PRDM14: variants seen among roughly 807,000 people sequenced by gnomAD.
PRDM14 encodes the protein PR domain zinc finger protein 14.
In PRDM14, 16 loss-of-function variants were observed where a neutral mutation model predicts 48.0. The ratio of observed to expected loss-of-function variants is 0.33; its 90% CI spans 0.23 to 0.51. The LOEUF is 0.51. PRDM14 is among the 20% of genes least tolerant of loss of function. The pLI is 0.97. For missense variants in PRDM14, 566 were observed against 719.6 expected, an observed-to-expected ratio of 0.79 and a Z score of 2.44; for synonymous variants, 264 against 276.6, an observed-to-expected ratio of 0.95 and a Z score of 0.45.
At chr8:70,070,964 G>A (rs1399195825) in intron 1 of PRDM14, among the ~76,000 whole-genome samples, 186 bp downstream of exon 1, 2 of 152,128 alleles carry the variant, frequency 1.3e-5, no homozygotes, top group Non-Finnish European at 2.9e-5. Context: ...GTCTCCTCCC[G>A]ATCCTCCAAA....
At chr8:70,058,905 A>ATATT (rs530833863) in intron 5 of PRDM14, 63 bp from the exon 6 acceptor site, 58 of 1,271,440 alleles carry the variant, frequency 4.6e-5, no homozygotes, top group South Asian at 1.4e-4. Context: ...CTTCAAGAGG[A>ATATT]TATTTATTTA....
chr8:70,070,526 C>G (rs932758766), intron 1 of PRDM14, among the ~76,000 whole-genome samples: 2 of 152,222 alleles, frequency 1.3e-5, no homozygotes, highest in African/African-American at 4.8e-5. Context: ...CCCGCGGGTC[C>G]TGGCGGTCCT....
At chr8:70,054,186 C>T (rs933555141) in intron 7 of PRDM14, among the ~76,000 whole-genome samples, 1 of 152,216 alleles carries the variant, frequency 6.6e-6, no homozygotes, top group Admixed American at 6.5e-5. Context: ...GTTTTTACAA[C>T]TCTGTATTCT....
At chr8:70,053,098 T>TA (rs71275048) in intron 7 of PRDM14, among the ~76,000 whole-genome samples, 1,068 of 82,108 alleles carry the variant, frequency 0.013, 31 homozygotes, top group African/African-American at 0.045. Flanking sequence ...ACCCTCTCTT[T>TA]AAAAAAAAAA....
At chr8:70,058,971 T>C (rs1172074598) in intron 5 of PRDM14, 129 bp from the exon 6 acceptor site, 2 of 777,832 alleles carry the variant, frequency 2.6e-6, no homozygotes, top group Admixed American at 2.9e-5. Flanking sequence ...TTTTCTTTTT[T>C]TGAGACAGAA....
In PRDM14 at chr8:70,069,427, C is replaced by T. The variant is rs777862446; in HGVS notation, c.434G>A (p.Gly145Glu). The change falls in exon 2 of 8, where the codon GGA becomes GAA. Residue 145 changes from glycine to glutamate, a missense_variant. By Grantham distance (98) the Gly-to-Glu change is moderately conservative (BLOSUM62 -2). This residue lies in a region of PRDM14 where 410 missense variants were observed against 424.6 expected (regional missense o/e 0.97). Coordinates refer to ENST00000276594, the MANE Select transcript of PRDM14 (RefSeq NM_024504.4). ...GGGCGGTGGAATTAAAGTGTCAGGT[C>T]CACAACACGGGCCACTCTCGTTGTC... ...GGDNESGPCC[G>E]PDTLIPPPPA... The T allele has an allele frequency of 6.3e-7, 1 of 1,596,482 alleles. No individual in the cohort carries two copies. The highest frequency in any genetic ancestry group is 1.3e-5 in the African/African-American group (1 of 74,598).
At chr8:70,057,067 G>A (rs1232378878) in intron 6 of PRDM14, among the ~76,000 whole-genome samples, 2 of 150,936 alleles carry the variant, frequency 1.3e-5, no homozygotes, top group Non-Finnish European at 2.9e-5. Flanking sequence ...CCAGGTTCAC[G>A]CCATTCTCCT....
chr8:70,068,620 G>A (rs1020858684), intron 2 of PRDM14, 88 bp from the exon 3 acceptor site: 18 of 1,052,976 alleles, frequency 1.7e-5, no homozygotes, highest in Middle Eastern at 2.7e-4. Flanking sequence ...ATTCCCTAAA[G>A]GTAACCATCA....
chr8:70,068,817 G>A (rs542559104), intron 2 of PRDM14, among the ~76,000 whole-genome samples: 49 of 152,332 alleles, frequency 3.2e-4, no homozygotes, highest in African/African-American at 1.2e-3. Context: ...CAGAGGTAAT[G>A]CCTGACTAAG....
chr8:70,061,393 C>T (rs1013461075), intron 5 of PRDM14, among the ~76,000 whole-genome samples: 4 of 152,140 alleles, frequency 2.6e-5, no homozygotes, highest in Non-Finnish European at 5.9e-5. Flanking sequence ...CCATCAGGGG[C>T]TTTGTTAGTT....
chr8:70,064,523 CTTTTTTT>C (rs1170368852), intron 5 of PRDM14, among the ~76,000 whole-genome samples: 18 of 136,156 alleles, frequency 1.3e-4, no homozygotes, highest in South Asian at 2.3e-4. Flanking sequence ...ATGCAATTTA[CTTTTTTT>C]TTTTTTTTTT....
At chr8:70,062,760 C>T (rs1805607883) in intron 5 of PRDM14, among the ~76,000 whole-genome samples, 1 of 152,190 alleles carries the variant, frequency 6.6e-6, no homozygotes, top group Non-Finnish European at 1.5e-5. Flanking sequence ...GCCACCGTGC[C>T]TGGCCCACCT....
In PRDM14 at chr8:70,069,558, C is replaced by G. The variant is rs1239946993; in HGVS notation, c.303G>C (p.Trp101Cys). The G allele has an allele frequency of 6.2e-7, 1 of 1,608,416 alleles. No individual in the cohort carries two copies. The highest frequency in any genetic ancestry group is 1.3e-5 in the African/African-American group (1 of 74,944). The change falls in exon 2 of 8, where the codon TGG becomes TGC. Residue 101 changes from tryptophan to cysteine, a missense_variant. Coordinates refer to ENST00000276594, the MANE Select transcript of PRDM14 (RefSeq NM_024504.4). The stretch of plus-strand genomic sequence containing the variant: ...CCCTGGGGACGTGGGGAATTGGGTA[C>G]CACGGTGGCAGCTTGCTGTACCAGG... ...DLPWYSKLPP[W>C]YPIPHVPREV...
At chr8:70,058,035 A>G (rs918827939) in intron 6 of PRDM14, among the ~76,000 whole-genome samples, 1 of 152,174 alleles carries the variant, frequency 6.6e-6, no homozygotes, top group Non-Finnish European at 1.5e-5. Context: ...AATTAAGCCC[A>G]AGGGAATATT....
chr8:70,054,950 T>C (rs966515297), intron 7 of PRDM14, among the ~76,000 whole-genome samples: 2 of 151,954 alleles, frequency 1.3e-5, no homozygotes, highest in Non-Finnish European at 2.9e-5. Context: ...GCCTCCCAAG[T>C]AGCTGGGACT....
At chr8:70,066,617 ACTT>A in intron 4 of PRDM14, 112 bp from the exon 5 acceptor site, 1 of 771,454 alleles carries the variant, frequency 1.3e-6, no homozygotes, top group Non-Finnish European at 2.1e-6. Flanking sequence ...CACCAAATAC[ACTT>A]CTATCATTCT....
chr8:70,054,991 T>G (rs546010411), intron 7 of PRDM14, among the ~76,000 whole-genome samples: 1 of 152,190 alleles, frequency 6.6e-6, no homozygotes, highest in East Asian at 1.9e-4. Context: ...CATGGAAAAT[T>G]TGATTATAGG....
chr8:70,060,019 G>C (rs1249370689), intron 5 of PRDM14, among the ~76,000 whole-genome samples: 1 of 151,632 alleles, frequency 6.6e-6, no homozygotes, highest in African/African-American at 2.4e-5. Context: ...CTTGAACCTG[G>C]GAGGCGCAGG....
At position 70,068,221 on chromosome 8, in the gene PRDM14, C is replaced by A; in HGVS notation, c.912+9G>T. 1 of 1,614,092 alleles carries A rather than the reference C, an allele frequency of 6.2e-7. No individual in the cohort carries two copies. Among genetic ancestry groups the A allele is most frequent in the Non-Finnish European group, 8.5e-7 (1 of 1,179,928 alleles). On this transcript the variant is annotated intron_variant, in intron 4 of 7. Transcript: ENST00000276594. ...TTTTCAGCAGCAGACCCACCAGAAA[C>A]AGATTTACCTCCCACATCACAGAAT...
Sources: allele counts gnomAD v4.1 joint callset (sites outside exome capture counted in the v4.1 genomes callset), GRCh38; gene constraint gnomAD v4.1.1; regional missense constraint gnomAD v4.1.1; transcripts MANE v1.5; gene names NCBI Gene and HGNC (gene_info 2026-07-23, HGNC 2026-07-21).